The following ALPK2 variants were observed in gnomAD, a reference collection of about 807,000 sequenced individuals.
The protein encoded by ALPK2 is alpha kinase 2.
In ALPK2, 127 loss-of-function variants were observed where a neutral mutation model predicts 163.1. That is an observed-to-expected ratio of 0.78 (90% CI 0.67 to 0.90). The LOEUF is 0.90. ALPK2 is among the 40% of genes least tolerant of loss of function. The probability of loss-of-function intolerance (pLI) is 0.00; values close to 1 mark genes in which losing one functional copy is unlikely to be tolerated. For missense variants in ALPK2, 2,360 were observed against 2,589.6 expected, an observed-to-expected ratio of 0.91 and a Z score of 1.92; for synonymous variants, 953 against 959.1, an observed-to-expected ratio of 0.99 and a Z score of 0.12.
At position 58,482,050 on chromosome 18, in the gene ALPK2, G is replaced by T; in HGVS notation, c.6297-11C>A. 6.2e-7 allele frequency: 1 copy of T among 1,603,744 alleles called. No homozygotes were observed. Among genetic ancestry groups the T allele is most frequent in the South Asian group, 1.1e-5 (1 of 90,538 alleles). On this transcript the variant is annotated splice_polypyrimidine_tract_variant and intron_variant, in intron 12 of 12. Coordinates refer to ENST00000361673, the MANE Select transcript of ALPK2 (RefSeq NM_052947.4). ...TTAAATCCCTTGTACCTGTGAGTTT[G>T]GGTGGAAGGAAACATAGCTTTTAAA...
At chr18:58,542,823 G>A (rs1222924669) in intron 4 of ALPK2, among the ~76,000 whole-genome samples, 1 of 152,158 alleles carries the variant, frequency 6.6e-6, no homozygotes, top group Non-Finnish European at 1.5e-5. Context: ...GGTGTGCAGG[G>A]GAGTCTGGGC....
intron 12 of ALPK2, among the ~76,000 whole-genome samples, chr18:58,485,720 C>T (rs957709521): frequency 5.3e-5 from 8 of 152,154 alleles, no homozygotes; most frequent in African/African-American, 1.7e-4. Context: ...TATGCCTGAG[C>T]GCTCTCTCCC....
At chr18:58,617,337 C>A (rs2052175371) in intron 1 of ALPK2, among the ~76,000 whole-genome samples, 1 of 152,084 alleles carries the variant, frequency 6.6e-6, no homozygotes, top group Admixed American at 6.6e-5. Context: ...CAGGCGTGCA[C>A]CACCACGCCA....
intron 10 of ALPK2, 96 bp downstream of exon 10, chr18:58,514,897 C>T: frequency 1.2e-6 from 1 of 853,920 alleles, no homozygotes; most frequent in Admixed American, 2.5e-5. Context: ...GAGAGATCAG[C>T]TGAAACACTT....
At chr18:58,501,158 C>T (rs2051429535) in intron 11 of ALPK2, among the ~76,000 whole-genome samples, 3 of 152,200 alleles carry the variant, frequency 2.0e-5, no homozygotes. Flanking sequence ...CTTAATGCCA[C>T]ACCACCACGT....
chr18:58,508,512 A>G (rs1053963324), intron 10 of ALPK2, among the ~76,000 whole-genome samples: 13 of 152,248 alleles, frequency 8.5e-5, no homozygotes, highest in Admixed American at 8.5e-4. Flanking sequence ...AGCCTGAAAT[A>G]AAGAAGCCAA....
At chr18:58,541,795 C>T (rs2051691419) in intron 4 of ALPK2, among the ~76,000 whole-genome samples, 1 of 152,066 alleles carries the variant, frequency 6.6e-6, no homozygotes, top group Admixed American at 6.5e-5. Flanking sequence ...CCTTTAACAG[C>T]CCAGTTCATA....
chr18:58,484,510 C>G (rs999906119), intron 12 of ALPK2, among the ~76,000 whole-genome samples: 16 of 152,314 alleles, frequency 1.1e-4, no homozygotes, highest in Admixed American at 5.2e-4. Flanking sequence ...ATAATGCCCA[C>G]TGAGGCAGGT....
chr18:58,525,965 A>AAG (rs1319277147), intron 6 of ALPK2, among the ~76,000 whole-genome samples: 2 of 117,450 alleles, frequency 1.7e-5, no homozygotes, highest in Non-Finnish European at 3.8e-5. Flanking sequence ...AATGATGAAA[A>AAG]AGAAAAAAAA....
intron 12 of ALPK2, among the ~76,000 whole-genome samples, chr18:58,488,046 G>A (rs1468252945): frequency 6.6e-6 from 1 of 152,006 alleles, no homozygotes. Context: ...GGGGGGTATT[G>A]ATGTCACTGG....
intron 3 of ALPK2, among the ~76,000 whole-genome samples, chr18:58,583,771 CG>C (rs374505484): frequency 2.7e-5 from 4 of 150,072 alleles, no homozygotes; most frequent in African/African-American, 2.5e-5. Context: ...AAGAAAAAGG[CG>C]GGGGGGCTGT....
At chr18:58,610,220 G>T (rs1397787800) in intron 2 of ALPK2, among the ~76,000 whole-genome samples, 1 of 146,938 alleles carries the variant, frequency 6.8e-6, no homozygotes, top group African/African-American at 2.5e-5. Context: ...GTTGCAGAGA[G>T]CTGAGATTGT....
At chr18:58,520,835 A>T (rs1457114824) in intron 8 of ALPK2, among the ~76,000 whole-genome samples, 1 of 152,246 alleles carries the variant, frequency 6.6e-6, no homozygotes, top group African/African-American at 2.4e-5. Flanking sequence ...CTCTGAATTT[A>T]AAAAAAGTGT....
chr18:58,553,318 C>A (rs548896862), intron 4 of ALPK2, among the ~76,000 whole-genome samples: 3 of 152,050 alleles, frequency 2.0e-5, no homozygotes, highest in African/African-American at 4.8e-5. Flanking sequence ...GAAGACACTG[C>A]GGAATTAGAA....
At chr18:58,515,330 T>C (rs2051515666) in intron 9 of ALPK2, among the ~76,000 whole-genome samples, 2 of 152,146 alleles carry the variant, frequency 1.3e-5, no homozygotes, top group Admixed American at 1.3e-4. Context: ...GTCCCTGAAC[T>C]ATAAAATTTC....
intron 8 of ALPK2, among the ~76,000 whole-genome samples, chr18:58,519,181 G>A (rs975923047): frequency 3.3e-5 from 5 of 152,102 alleles, no homozygotes; most frequent in Non-Finnish European, 7.4e-5. Flanking sequence ...TCTAAGTAAC[G>A]GAACCAGGAA....
intron 10 of ALPK2, among the ~76,000 whole-genome samples, chr18:58,514,452 T>C (rs1252690943): frequency 6.6e-6 from 1 of 152,204 alleles, no homozygotes; most frequent in Non-Finnish European, 1.5e-5. Context: ...CCCCAAAATT[T>C]GCTTGGGCCA....
chr18:58,557,441 A>G (rs558537276), intron 4 of ALPK2, among the ~76,000 whole-genome samples: 11 of 151,938 alleles, frequency 7.2e-5, no homozygotes, highest in Admixed American at 2.0e-4. Context: ...TGATGTGTCA[A>G]TGTAGGTTTA....
At chr18:58,532,368 C>T (rs1346377156) in intron 5 of ALPK2, among the ~76,000 whole-genome samples, 4 of 152,192 alleles carry the variant, frequency 2.6e-5, no homozygotes, top group African/African-American at 4.8e-5. Flanking sequence ...GCAACTCCTC[C>T]GAAGCTGGGA....
Sources: allele counts gnomAD v4.1 joint callset (sites outside exome capture counted in the v4.1 genomes callset), GRCh38; gene constraint gnomAD v4.1.1; transcripts MANE v1.5; gene names NCBI Gene and HGNC (gene_info 2026-07-23, HGNC 2026-07-21).